The following ABHD6 variants were observed in gnomAD, a reference collection of about 807,000 sequenced individuals.
ABHD6 encodes monoacylglycerol lipase ABHD6.
In ABHD6, 33 loss-of-function variants were observed where a neutral mutation model predicts 38.8. That is an observed-to-expected ratio of 0.85 (90% confidence interval 0.64 to 1.14). ABHD6 has a LOEUF of 1.14. Ranked by LOEUF, ABHD6 falls within the 50% of genes most tolerant of loss-of-function variation. The pLI, the probability that ABHD6 is intolerant of heterozygous loss-of-function variation, is 0.00. For missense variants in ABHD6, 380 were observed against 422.6 expected (o/e 0.90, Z 0.88); for synonymous variants, 147 against 161.6 (o/e 0.91, Z 0.69).
chr3:58,291,961 A>G (rs553978262), intron 9 of ABHD6, among the ~76,000 whole-genome samples: 180 of 150,740 alleles, frequency 1.2e-3, no homozygotes, highest in African/African-American at 4.0e-3. Context: ...AAAAAACAAA[A>G]AAAGACACTC....
At position 58,263,404 on chromosome 3, in the gene ABHD6, A is replaced by G. The variant is rs1433796747; in HGVS notation, c.120-3785A>G. On this transcript the variant is annotated intron_variant, in intron 3 of 9. Transcript: ENST00000478253. The surrounding 1 kb of genome is among the most constrained non-coding windows in gnomAD (Gnocchi z 4.9). Reference sequence around the variant, plus strand: ...AAACTCCATCTCAAAAAAAAAAAAAAAGAAAAAATATTAGTTTTCCAGTTT... The same window carrying G: ...AAACTCCATCTCAAAAAAAAAAAAAGAGAAAAAATATTAGTTTTCCAGTTT... Among the ~76,000 whole-genome samples, 1 of 152,062 alleles carries G rather than the reference A, an allele frequency of 6.6e-6. No homozygotes were observed. Among genetic ancestry groups the G allele is most frequent in the African/African-American group, 2.4e-5 (1 of 41,430 alleles).
chr3:58,274,636 C>T (rs755296227), intron 6 of ABHD6, 22 bp from the exon 7 acceptor site: 1 of 1,608,656 alleles, frequency 6.2e-7, no homozygotes, highest in African/African-American at 1.3e-5. Context: ...ATCATCAAGC[C>T]ATTTGGGTTT....
intron 6 of ABHD6, among the ~76,000 whole-genome samples, chr3:58,274,233 G>A (rs1411494083): frequency 3.3e-5 from 5 of 152,136 alleles, no homozygotes; most frequent in African/African-American, 7.2e-5. Context: ...GTTTTCTTCC[G>A]GTCATGTATT....
At position 58,266,629 on chromosome 3, in the gene ABHD6, T is replaced by C. The variant is rs1312507713; in HGVS notation, c.120-560T>C. Among the ~76,000 whole-genome samples, 2 of 152,250 alleles carry C rather than the reference T, an allele frequency of 1.3e-5. No individual in the cohort carries two copies. The highest frequency in any genetic ancestry group is 6.5e-5 in the Admixed American group (1 of 15,280). On this transcript the variant is annotated intron_variant, in intron 3 of 9. Transcript: ENST00000478253. This position sits in a 1 kb window ranked among gnomAD's most constrained non-coding sequence, Gnocchi z 4.0. ...TTGGCTACTTCTTTAGTGTGAAGTATCTTACAAAGTGCACCTCTGATTGAA... is the reference window on the plus strand; with the variant it reads ...TTGGCTACTTCTTTAGTGTGAAGTACCTTACAAAGTGCACCTCTGATTGAA...
Position 58,285,591 on chromosome 3 carries a change from G to C in ABHD6, c.837+138G>C. ...GGAAGAGGGGGAAGGCACCTGTGTT[G>C]GGTGCCAGTGTTGACAGTGGGCAGA... On this transcript the variant is annotated intron_variant, in intron 9 of 9. Coordinates refer to ENST00000478253, the MANE Select transcript of ABHD6 (RefSeq NM_001320126.2). The surrounding 1 kb of genome is among the most constrained non-coding windows in gnomAD (Gnocchi z 4.9). The C allele has an allele frequency of 1.4e-6, 1 of 724,526 alleles. No homozygotes were observed. Among genetic ancestry groups the C allele is most frequent in the South Asian group, 1.7e-5 (1 of 57,666 alleles). The allele number at this position is 724,526 out of a possible 1,614,324, so 44.9% of individuals were successfully genotyped here.
Position 58,266,934 on chromosome 3 carries a change from C to T in ABHD6, c.120-255C>T, listed in dbSNP as rs760455240. ...TGTGGCATACTTCTTAAGAAAACAC[C>T]GCATTTCCCTTCCTAGAGTGATTAG... On this transcript the variant is annotated intron_variant, in intron 3 of 9. Transcript: ENST00000478253. This position sits in a 1 kb window ranked among gnomAD's most constrained non-coding sequence, Gnocchi z 4.0. Among the ~76,000 whole-genome samples the T allele has an allele frequency of 2.6e-5, 4 of 152,254 alleles. No homozygotes were observed. The highest frequency in any genetic ancestry group is 2.1e-4 in the South Asian group (1 of 4,818).
chr3:58,240,800 G>A (rs1040965991), intron 1 of ABHD6, among the ~76,000 whole-genome samples: 3 of 147,730 alleles, frequency 2.0e-5, no homozygotes, highest in South Asian at 2.1e-4. Flanking sequence ...GCGCGATCTC[G>A]GCTCACCGCA....
chr3:58,241,333 A>G (rs2097422673), intron 1 of ABHD6, among the ~76,000 whole-genome samples: 1 of 152,050 alleles, frequency 6.6e-6, no homozygotes, highest in Non-Finnish European at 1.5e-5. Flanking sequence ...ACGCTTCCCA[A>G]TCCTAGAGGC....
intron 9 of ABHD6, among the ~76,000 whole-genome samples, chr3:58,286,870 G>GTGTATATATATATA (rs2097457742): frequency 2.7e-5 from 2 of 75,042 alleles, no homozygotes; most frequent in Non-Finnish European, 5.3e-5. Context: ...ATATATATAT[G>GTGTATATATATATA]TATATGTATA....
intron 1 of ABHD6, among the ~76,000 whole-genome samples, chr3:58,246,266 G>A (rs746649057): frequency 1.8e-4 from 28 of 152,168 alleles, no homozygotes; most frequent in Non-Finnish European, 3.4e-4. Flanking sequence ...CAAGCAGGCG[G>A]TTATTCCAGA....
chr3:58,259,132 G>A lies in ABHD6; in HGVS notation c.119+2427G>A, dbSNP rs907277015. On this transcript the variant is annotated intron_variant, in intron 3 of 9. Transcript: ENST00000478253. The surrounding 1 kb of genome is among the most constrained non-coding windows in gnomAD (Gnocchi z 4.7). Reference sequence around the variant, plus strand: ...AGAACACAATTCACTGATGTGGCTCGTAACCATGGATATGGTCACATACAG... The same window carrying A: ...AGAACACAATTCACTGATGTGGCTCATAACCATGGATATGGTCACATACAG... Among the ~76,000 whole-genome samples, 2 of 152,078 alleles carry A rather than the reference G, an allele frequency of 1.3e-5. No individual in the cohort carries two copies. Among genetic ancestry groups the A allele is most frequent in the Non-Finnish European group, 2.9e-5 (2 of 68,016 alleles).
chr3:58,293,824 C>A lies in ABHD6; in HGVS notation c.*59C>A. On this transcript the variant is annotated 3_prime_UTR_variant, in exon 10 of 10. Transcript: ENST00000478253. The surrounding 1 kb of genome is among the most constrained non-coding windows in gnomAD (Gnocchi z 4.4). ...ATCTGCTCCCATCCCCCAAGTCTGA[C>A]GCAGCCACCACTCTCAGGGATCCTG... 1 of 1,567,832 alleles carries A rather than the reference C, an allele frequency of 6.4e-7. No homozygotes were observed. Among genetic ancestry groups the A allele is most frequent in the Non-Finnish European group, 8.7e-7 (1 of 1,152,344 alleles).
chr3:58,275,179 G>A (rs1010102261), intron 7 of ABHD6, among the ~76,000 whole-genome samples: 2 of 152,040 alleles, frequency 1.3e-5, no homozygotes, highest in Non-Finnish European at 2.9e-5. Context: ...ATATGCAGAG[G>A]TGGAAAAACA....
rs934472660 is a variant in ABHD6 at position 58,251,982 on chromosome 3, CA to C, written c.-26+2043del. 2.6e-5 allele frequency among the ~76,000 whole-genome samples: 4 copies of C among 152,000 alleles called. No individual in the cohort carries two copies. Among genetic ancestry groups the C allele is most frequent in the Non-Finnish European group, 5.9e-5 (4 of 68,018 alleles). ...ATAATTCCAGAAATGTTTAAGTCAC[CA>C]AAGTAAGAAAGAACAGACATGACTA... On this transcript the variant is annotated intron_variant, in intron 2 of 9. Coordinates refer to ENST00000478253, the MANE Select transcript of ABHD6 (RefSeq NM_001320126.2). This position sits in a 1 kb window ranked among gnomAD's most constrained non-coding sequence, Gnocchi z 5.4.
intron 7 of ABHD6, among the ~76,000 whole-genome samples, chr3:58,282,420 T>A (rs2097454021): frequency 6.6e-6 from 1 of 150,718 alleles, no homozygotes; most frequent in African/African-American, 2.4e-5. Context: ...AGGGGAGGAG[T>A]CCCAGGTGAC....
At chr3:58,291,000 C>T (rs1249542147) in intron 9 of ABHD6, among the ~76,000 whole-genome samples, 2 of 151,864 alleles carry the variant, frequency 1.3e-5, no homozygotes, top group Non-Finnish European at 2.9e-5. Context: ...AGGCTGCACT[C>T]TGGGCACTTT....
At position 58,256,606 on chromosome 3, in the gene ABHD6, A is replaced by G. The variant is rs138308757; in HGVS notation, c.20A>G (p.Asn7Ser). The G allele has an allele frequency of 7.9e-5, 128 of 1,614,054 alleles. No homozygotes were observed. In the East Asian group the frequency reaches 2.9e-3, roughly 36 times the overall value. Residue 7 changes from asparagine (N) to serine (S), a missense_variant, in exon 3 of 10, where the codon AAC becomes AGC. By Grantham distance (46) the Asn-to-Ser change is conservative. Transcript: ENST00000478253. The surrounding 1 kb of genome is among the most constrained non-coding windows in gnomAD (Gnocchi z 4.3). Reference sequence around the variant, plus strand: ...AGCAGGATGGATCTTGATGTGGTTAACATGTTTGTGATTGCGGGCGGCACG... The same window carrying G: ...AGCAGGATGGATCTTGATGTGGTTAGCATGTTTGTGATTGCGGGCGGCACG... MDLDVV[N>S]MFVIAGGTLA...
chr3:58,260,839 C>G (rs1037711252), intron 3 of ABHD6, among the ~76,000 whole-genome samples: 4 of 152,192 alleles, frequency 2.6e-5, no homozygotes, highest in Non-Finnish European at 2.9e-5. Context: ...CTGGAGTTCC[C>G]TCTGGGATTG....
Position 58,265,652 on chromosome 3 carries a change from T to G in ABHD6, c.120-1537T>G, listed in dbSNP as rs543673645. Reference sequence around the variant, plus strand: ...AGTGTCTTATTCCATTTTGTGTTGCTACAGCAGAATGCCACAGACTAGATA... The same window carrying G: ...AGTGTCTTATTCCATTTTGTGTTGCGACAGCAGAATGCCACAGACTAGATA... On this transcript the variant is annotated intron_variant, in intron 3 of 9. Transcript: ENST00000478253. This position sits in a 1 kb window ranked among gnomAD's most constrained non-coding sequence, Gnocchi z 4.2. Among the ~76,000 whole-genome samples, 1 of 152,364 alleles carries G rather than the reference T, an allele frequency of 6.6e-6. No individual in the cohort carries two copies. Among genetic ancestry groups the G allele is most frequent in the East Asian group, 1.9e-4 (1 of 5,190 alleles).
Sources: allele counts gnomAD v4.1 joint callset (sites outside exome capture counted in the v4.1 genomes callset), GRCh38; gene constraint gnomAD v4.1.1; non-coding constraint Gnocchi (gnomAD v3.1); transcripts MANE v1.5; gene names NCBI Gene and HGNC (gene_info 2026-07-23, HGNC 2026-07-21).